The following ADAM12 variants were observed in gnomAD, a reference collection of about 807,000 sequenced individuals.
ADAM12 encodes the protein disintegrin and metalloproteinase domain-containing protein 12.
In ADAM12, 70 loss-of-function variants were observed where a neutral mutation model predicts 106.4. That is an observed-to-expected ratio of 0.66 (90% confidence interval 0.54 to 0.80). ADAM12 has a LOEUF of 0.80. Ranked by LOEUF, ADAM12 falls within the 30% of genes least tolerant of loss-of-function variation. ADAM12 has a pLI of 0.00. For missense variants in ADAM12, 1,010 were observed against 1,171.9 expected (o/e 0.86, Z 2.02); for synonymous variants, 420 against 433.5 (o/e 0.97, Z 0.39).
In ADAM12 at chr10:126,015,008, C is replaced by T. The variant is rs1245872230; in HGVS notation, c.*2271G>A. 6.6e-6 allele frequency: 1 copy of T among 152,146 alleles called. No homozygotes were observed. Among genetic ancestry groups the T allele is most frequent in the Non-Finnish European group, 1.5e-5 (1 of 68,028 alleles). The allele number at this position is 152,146 out of a possible 1,614,324, so 9.4% of individuals were successfully genotyped here. A position where few individuals can be genotyped will look rare whatever the true frequency, so the allele number is the denominator to read the frequency against. ...AATATGCTTCACTTGATAAATACTG[C>T]ATCTTGGAAGGATTAATACTGTCCA... On this transcript the variant is annotated 3_prime_UTR_variant, in exon 23 of 23. Transcript: ENST00000448723.
intron 3 of ADAM12, among the ~76,000 whole-genome samples, chr10:126,273,614 A>C (rs866830580): frequency 5.7e-4 from 86 of 152,170 alleles, no homozygotes; most frequent in African/African-American, 2.0e-3. Context: ...TGGATCCCGA[A>C]GGACCAGCCT....
At position 126,093,194 on chromosome 10, in the gene ADAM12, G is replaced by T. The variant is rs1001193226; in HGVS notation, c.1145+791C>A. Reference sequence around the variant, plus strand: ...GCATTGTATCCAGCGCATGCTTCCCGTTACTAATGAGAATCTTCTTAAACT... The same window carrying T: ...GCATTGTATCCAGCGCATGCTTCCCTTTACTAATGAGAATCTTCTTAAACT... On this transcript the variant is annotated intron_variant, in intron 11 of 22. Coordinates refer to ENST00000448723, the MANE Select transcript of ADAM12 (RefSeq NM_001288973.2). 3.2e-4 allele frequency among the ~76,000 whole-genome samples: 49 copies of T among 152,248 alleles called. No homozygotes were observed. The East Asian group carries it at 9.3e-3, about 29-fold the overall frequency.
chr10:126,232,766 G>A (rs112478143), intron 3 of ADAM12, among the ~76,000 whole-genome samples: 2,409 of 152,270 alleles, frequency 0.016, 71 homozygotes, highest in African/African-American at 0.056. Flanking sequence ...TATATAGTTA[G>A]GCAGCCATGA....
intron 3 of ADAM12, among the ~76,000 whole-genome samples, chr10:126,232,366 G>A (rs1958329080): frequency 6.6e-6 from 1 of 152,140 alleles, no homozygotes. Context: ...GGATTTTCCT[G>A]AGAGGCTCCA....
chr10:126,331,738 G>T (rs886805890), intron 1 of ADAM12, among the ~76,000 whole-genome samples: 5 of 152,128 alleles, frequency 3.3e-5, no homozygotes, highest in African/African-American at 1.2e-4. Context: ...AAGGAGGGAG[G>T]GGACTATGGG....
chr10:126,135,872 T>G (rs1956396127), intron 4 of ADAM12, among the ~76,000 whole-genome samples: 1 of 152,222 alleles, frequency 6.6e-6, no homozygotes. Flanking sequence ...ACAGCGGTTT[T>G]TAAATGAACC....
At chr10:126,136,779 G>A (rs1235753984) in intron 4 of ADAM12, among the ~76,000 whole-genome samples, 1 of 152,190 alleles carries the variant, frequency 6.6e-6, no homozygotes, top group East Asian at 1.9e-4. Context: ...TCTAAAAGGC[G>A]ATGAAAGGAG....
rs916964370 is a variant in ADAM12, at chr10:126,100,078, G to A, written c.911+994C>T. 2.0e-5 allele frequency among the ~76,000 whole-genome samples: 3 copies of A among 151,998 alleles called. No homozygotes were observed. In the South Asian group the frequency reaches 6.2e-4, roughly 32 times the overall value. On this transcript the variant is annotated intron_variant, in intron 9 of 22. Transcript: ENST00000448723. ...AGTTTATCATCTTCCAGTTGATCCT[G>A]CTGAAATTGTCCTCTTTATTGTTGT...
At chr10:126,201,971 C>T (rs1039086584) in intron 3 of ADAM12, among the ~76,000 whole-genome samples, 6 of 152,302 alleles carry the variant, frequency 3.9e-5, no homozygotes, top group Admixed American at 1.3e-4. Context: ...AAAGAATGGG[C>T]GGGCCTTCTT....
At chr10:126,169,286 T>C (rs1012924356) in intron 3 of ADAM12, among the ~76,000 whole-genome samples, 2 of 152,210 alleles carry the variant, frequency 1.3e-5, no homozygotes, top group Admixed American at 1.3e-4. Flanking sequence ...TGCCCCTTCC[T>C]AAATGCGGTT....
At chr10:126,078,388 C>G (rs1447598843) in intron 11 of ADAM12, among the ~76,000 whole-genome samples, 1 of 152,174 alleles carries the variant, frequency 6.6e-6, no homozygotes, top group African/African-American at 2.4e-5. Context: ...ACCCTCCTAT[C>G]TCATTTCCTC....
intron 1 of ADAM12, among the ~76,000 whole-genome samples, chr10:126,337,788 A>G (rs1271479557): frequency 6.6e-6 from 1 of 152,196 alleles, no homozygotes; most frequent in Non-Finnish European, 1.5e-5. Flanking sequence ...CAGTCATTGG[A>G]AAGAAATACA....
At chr10:126,336,208 C>T (rs1393663626) in intron 1 of ADAM12, among the ~76,000 whole-genome samples, 1 of 152,156 alleles carries the variant, frequency 6.6e-6, no homozygotes, top group Non-Finnish European at 1.5e-5. Flanking sequence ...TGTGGGGTGT[C>T]TGGAAACCAT....
rs114298800 is a variant in ADAM12, at chr10:126,299,659, T to C, written c.187-20671A>G. Among the ~76,000 whole-genome samples the C allele has an allele frequency of 7.3e-3, 1,117 of 152,250 alleles. 14 individuals are homozygous for C. The highest frequency in any genetic ancestry group is 0.026 in the African/African-American group (1,063 of 41,534). On this transcript the variant is annotated intron_variant, in intron 2 of 22. Transcript: ENST00000448723. Reference sequence around the variant, plus strand: ...TATTACCATTCAGCTTTTTTTTTTCTTTTTTTAACAGTCTCACTCTGTTGC... The same window carrying C: ...TATTACCATTCAGCTTTTTTTTTTCCTTTTTTAACAGTCTCACTCTGTTGC...
At chr10:126,045,020 G>T (rs1037806) in intron 17 of ADAM12, among the ~76,000 whole-genome samples, 38,722 of 152,016 alleles carry the variant, frequency 0.25, 5,925 homozygotes, top group East Asian at 0.54. Context: ...GGCTGGGTAG[G>T]CTCCACCTAC....
intron 11 of ADAM12, among the ~76,000 whole-genome samples, chr10:126,090,515 A>G (rs1955443272): frequency 6.6e-6 from 1 of 152,210 alleles, no homozygotes; most frequent in African/African-American, 2.4e-5. Flanking sequence ...AAGCTCATTA[A>G]TGGATAAACT....
chr10:126,296,561 AC>A (rs1297971469), intron 2 of ADAM12, among the ~76,000 whole-genome samples: 1 of 152,204 alleles, frequency 6.6e-6, no homozygotes, highest in African/African-American at 2.4e-5. Flanking sequence ...TCTCCCTGCC[AC>A]GTGGTTACAG....
At chr10:126,372,825 G>A (rs1053416848) in intron 1 of ADAM12, among the ~76,000 whole-genome samples, 2 of 152,186 alleles carry the variant, frequency 1.3e-5, no homozygotes, top group Non-Finnish European at 2.9e-5. Flanking sequence ...GAGGGAGAAA[G>A]AAGGATGATA....
At chr10:126,254,759 C>T (rs1590690267) in intron 3 of ADAM12, among the ~76,000 whole-genome samples, 2 of 152,174 alleles carry the variant, frequency 1.3e-5, no homozygotes, top group South Asian at 2.1e-4. Context: ...CAGTCGCCAT[C>T]GCTGGGGAGG....
Sources: allele counts gnomAD v4.1 joint callset (sites outside exome capture counted in the v4.1 genomes callset), GRCh38; gene constraint gnomAD v4.1.1; transcripts MANE v1.5; gene names NCBI Gene and HGNC (gene_info 2026-07-23, HGNC 2026-07-21).